The following RASAL2 variants were observed in gnomAD, a reference collection of about 807,000 sequenced individuals.
RASAL2 encodes ras GTPase-activating protein nGAP.
A neutral mutation model predicts 128.9 loss-of-function variants in RASAL2; 58 were observed. The ratio of observed to expected loss-of-function variants is 0.45; its 90% CI spans 0.36 to 0.56. The LOEUF is 0.56. Among genes scored for constraint, RASAL2 ranks in the 20% least tolerant of loss-of-function variants. The pLI is 0.00. For missense variants in RASAL2, 1,360 were observed against 1,601.6 expected (o/e 0.85, Z 2.57); for synonymous variants, 561 against 580.8 (o/e 0.97, Z 0.49).
chr1:178,434,925 A>G (rs925237028), intron 5 of RASAL2, among the ~76,000 whole-genome samples: 2 of 152,058 alleles, frequency 1.3e-5, no homozygotes, highest in Admixed American at 6.6e-5. Context: ...CTCAAATTCA[A>G]TTTTTAAAAA....
At position 178,445,572 on chromosome 1, in the gene RASAL2, G is replaced by A. The variant is rs1397591839; in HGVS notation, c.1537G>A (p.Val513Ile). The A allele has an allele frequency of 1.2e-6, 2 of 1,613,864 alleles. No individual in the cohort carries two copies. The highest frequency in any genetic ancestry group is 2.2e-5 in the South Asian group (2 of 91,070). The part of the protein sequence containing the change: ...SEVDRCGEHD[V>I]LIFRENTIAT... ...GGTGGATCGTTGTGGAGAGCATGAT[G>A]TCTTGATCTTCAGAGAGAACACTAT... Residue 513 changes from valine (V) to isoleucine (I), a missense_variant, in exon 9 of 18, where the codon GTC becomes ATC. Transcript: ENST00000367649.
intron 1 of RASAL2, among the ~76,000 whole-genome samples, chr1:178,144,218 G>A (rs1247095456): frequency 1.3e-5 from 2 of 152,130 alleles, no homozygotes; most frequent in African/African-American, 4.8e-5. Context: ...CGTACAGAGA[G>A]AAAGTTGATC....
Position 178,296,193 on chromosome 1 carries a change from A to G in RASAL2, c.331-3799A>G, listed in dbSNP as rs538940274. 2.6e-5 allele frequency among the ~76,000 whole-genome samples: 4 copies of G among 152,178 alleles called. No homozygotes were observed. The East Asian group carries it at 7.7e-4, about 29-fold the overall frequency. ...TGTGTGTGCATATATATATATATAA[A>G]TATGTGCCACATTGCTTTTTGATTT... On this transcript the variant is annotated intron_variant, in intron 2 of 17. Transcript: ENST00000367649.
intron 17 of RASAL2, 80 bp from the exon 18 acceptor site, chr1:178,472,995 C>A: frequency 6.7e-7 from 1 of 1,491,078 alleles, no homozygotes; most frequent in Non-Finnish European, 9.3e-7. Flanking sequence ...TGAGAGAAAG[C>A]ACTGGACTAG....
At chr1:178,267,606 G>A (rs1001746499) in intron 1 of RASAL2, among the ~76,000 whole-genome samples, 4 of 143,788 alleles carry the variant, frequency 2.8e-5, no homozygotes, top group South Asian at 2.2e-4. Flanking sequence ...ACCAGGTAAC[G>A]TATCAGATCT....
At chr1:178,112,393 T>C (rs1402155967) in intron 1 of RASAL2, among the ~76,000 whole-genome samples, 2 of 151,838 alleles carry the variant, frequency 1.3e-5, no homozygotes, top group African/African-American at 4.8e-5. Context: ...CTACTAAAAA[T>C]ACAAAAGTTA....
chr1:178,144,866 T>C (rs1323810681), intron 1 of RASAL2, among the ~76,000 whole-genome samples: 1 of 152,160 alleles, frequency 6.6e-6, no homozygotes, highest in Middle Eastern at 3.2e-3. Flanking sequence ...ACCAGAAAAA[T>C]TTAGTGCTTC....
chr1:178,136,756 CAAAAAAAAAAAAAAAAAA>C (rs397982072), intron 1 of RASAL2, among the ~76,000 whole-genome samples: 4 of 47,202 alleles, frequency 8.5e-5, no homozygotes, highest in Admixed American at 8.1e-4. Context: ...GACTCTGTCT[CAAAAAAAAAAAAAAAAAA>C]AAAAAAAAAA....
intron 1 of RASAL2, among the ~76,000 whole-genome samples, chr1:178,255,709 T>C (rs1310280353): frequency 6.6e-6 from 1 of 151,802 alleles, no homozygotes; most frequent in Non-Finnish European, 1.5e-5. Flanking sequence ...AAATGAAAAA[T>C]AACTTTATTT....
intron 1 of RASAL2, among the ~76,000 whole-genome samples, chr1:178,252,352 A>G (rs1421363397): frequency 6.6e-6 from 1 of 152,164 alleles, no homozygotes; most frequent in Non-Finnish European, 1.5e-5. Flanking sequence ...TAGGAAGGAA[A>G]TGTTGGAATA....
At chr1:178,309,947 T>C (rs1668160788) in intron 3 of RASAL2, among the ~76,000 whole-genome samples, 1 of 152,136 alleles carries the variant, frequency 6.6e-6, no homozygotes, top group African/African-American at 2.4e-5. Context: ...TGCAGTGAAC[T>C]GAGGCAGCTG....
At chr1:178,302,672 TGC>T (rs1228166976) in intron 3 of RASAL2, among the ~76,000 whole-genome samples, 1 of 152,198 alleles carries the variant, frequency 6.6e-6, no homozygotes, top group Non-Finnish European at 1.5e-5. Context: ...CATCTCGAAA[TGC>T]CATAGACCAA....
At chr1:178,193,556 A>G (rs1276331008) in intron 1 of RASAL2, among the ~76,000 whole-genome samples, 1 of 152,148 alleles carries the variant, frequency 6.6e-6, no homozygotes, top group Non-Finnish European at 1.5e-5. Context: ...TTCTTTAAAA[A>G]AAAGTTTTTT....
At chr1:178,307,889 A>G (rs1191821293) in intron 3 of RASAL2, among the ~76,000 whole-genome samples, 1 of 152,236 alleles carries the variant, frequency 6.6e-6, no homozygotes, top group Non-Finnish European at 1.5e-5. Flanking sequence ...ATGTAACATC[A>G]TAAACATGTT....
chr1:178,233,975 C>A (rs1435184794), intron 1 of RASAL2, among the ~76,000 whole-genome samples: 4 of 152,154 alleles, frequency 2.6e-5, no homozygotes, highest in Non-Finnish European at 5.9e-5. Flanking sequence ...TGAAACATTT[C>A]ATTTTCTCAT....
chr1:178,411,881 C>G, intron 4 of RASAL2: 2 of 713,560 alleles, frequency 2.8e-6, no homozygotes, highest in Non-Finnish European at 5.2e-6. Flanking sequence ...ACCAAGACCC[C>G]TGGACCTGGG....
chr1:178,162,949 C>G (rs1265491940), intron 1 of RASAL2, among the ~76,000 whole-genome samples: 2 of 151,686 alleles, frequency 1.3e-5, no homozygotes, highest in African/African-American at 2.4e-5. Context: ...CATTTCCTCC[C>G]TTTTGCAGAT....
intron 9 of RASAL2, 39 bp from the exon 10 acceptor site, chr1:178,451,532 C>T: frequency 6.3e-7 from 1 of 1,586,936 alleles, no homozygotes; most frequent in African/African-American, 1.4e-5. Flanking sequence ...CAGGAAGACA[C>T]TGTTTATAGC....
At chr1:178,251,679 G>A (rs569884062) in intron 1 of RASAL2, among the ~76,000 whole-genome samples, 1 of 152,306 alleles carries the variant, frequency 6.6e-6, no homozygotes, top group South Asian at 2.1e-4. Context: ...AGAATTGTAT[G>A]TTAATTCAGT....
Sources: gnomAD v4.1 joint callset for allele counts (sites outside exome capture counted in the v4.1 genomes callset) on GRCh38, gnomAD v4.1.1 for gene constraint, MANE v1.5 for transcripts, NCBI Gene and HGNC (gene_info 2026-07-23, HGNC 2026-07-21) for gene names.